Variants in ULK2 observed in about 807,000 individuals in gnomAD.
The protein encoded by ULK2 is serine/threonine-protein kinase ULK2.
A neutral mutation model predicts 127.5 loss-of-function variants in ULK2; 76 were observed. The ratio of observed to expected loss-of-function variants is 0.60; its 90% CI spans 0.50 to 0.72. ULK2 has a LOEUF of 0.72. Ranked by LOEUF, ULK2 falls within the 30% of genes least tolerant of loss-of-function variation. The pLI, the probability that ULK2 is intolerant of heterozygous loss-of-function variation, is 0.00. For synonymous variants in ULK2, 452 were observed against 461.9 expected (o/e 0.98, Z 0.28); for missense variants, 1,144 against 1,295.9 (o/e 0.88, Z 1.80).
intron 20 of ULK2, among the ~76,000 whole-genome samples, chr17:19,786,566 T>C (rs1173078388): frequency 6.6e-6 from 1 of 151,890 alleles, no homozygotes; most frequent in Non-Finnish European, 1.5e-5. Flanking sequence ...ATACAAAACT[T>C]TGCCGGGCAT....
chr17:19,782,338 A>G (rs995386197), intron 22 of ULK2, among the ~76,000 whole-genome samples: 8 of 152,346 alleles, frequency 5.3e-5, no homozygotes, highest in Admixed American at 2.6e-4. Flanking sequence ...TACCAGAAAA[A>G]GAAAAGAAAG....
At position 19,867,551 on chromosome 17, in the gene ULK2, G is replaced by A; in HGVS notation, c.-134C>T. 2.2e-6 allele frequency: 1 copy of A among 454,304 alleles called. No homozygotes were observed. The highest frequency in any genetic ancestry group is 3.4e-6 in the Non-Finnish European group (1 of 292,798). 28.1% of individuals were successfully genotyped at this position (454,304 alleles called of 1,614,324 possible). A position where few individuals can be genotyped will look rare whatever the true frequency, so the allele number is the denominator to read the frequency against. The stretch of plus-strand genomic sequence containing the variant: ...GGCAGCCGCAGCCCCGGGCCCGGGC[G>A]GACTCTCATGCCGAGAGACCGGAGC... On this transcript the variant is annotated 5_prime_UTR_variant, in exon 1 of 27. Coordinates refer to ENST00000395544, the MANE Select transcript of ULK2 (RefSeq NM_014683.4).
intron 26 of ULK2, among the ~76,000 whole-genome samples, chr17:19,777,375 G>T (rs2086831087): frequency 6.6e-6 from 1 of 152,194 alleles, no homozygotes; most frequent in Non-Finnish European, 1.5e-5. Context: ...AAAGTGCTGG[G>T]ATTACAGGCG....
chr17:19,861,980 A>G (rs1174811524), intron 3 of ULK2, among the ~76,000 whole-genome samples: 1 of 152,220 alleles, frequency 6.6e-6, no homozygotes, highest in Non-Finnish European at 1.5e-5. Context: ...TGTGCATGCT[A>G]TTTGACTTGG....
chr17:19,837,431 AAAAT>A (rs1021153568), intron 10 of ULK2, among the ~76,000 whole-genome samples: 2 of 152,104 alleles, frequency 1.3e-5, no homozygotes, highest in Admixed American at 6.6e-5. Flanking sequence ...AAAAAATATA[AAAAT>A]AAATAAATAA....
intron 20 of ULK2, among the ~76,000 whole-genome samples, chr17:19,790,299 C>T (rs2152383850): frequency 6.6e-6 from 1 of 152,248 alleles, no homozygotes; most frequent in Non-Finnish European, 1.5e-5. Context: ...CGCCTGTAAT[C>T]CCAGCTACTT....
chr17:19,848,800 A>G (rs1031077864), intron 5 of ULK2, among the ~76,000 whole-genome samples: 25 of 151,954 alleles, frequency 1.6e-4, no homozygotes, highest in Non-Finnish European at 1.5e-5. Context: ...GGAAAAAGAA[A>G]ATACTCTGGA....
At chr17:19,834,103 A>G (rs548021714) in intron 10 of ULK2, among the ~76,000 whole-genome samples, 1 of 152,318 alleles carries the variant, frequency 6.6e-6, no homozygotes, top group South Asian at 2.1e-4. Context: ...AAACCTAGTA[A>G]GATTAACAGG....
intron 3 of ULK2, chr17:19,855,742 G>C (rs2042113593): frequency 6.6e-6 from 1 of 152,088 alleles, no homozygotes; most frequent in African/African-American, 2.4e-5. Context: ...TACAGTCCAA[G>C]TGCCCAAGTC....
At chr17:19,838,635 A>C in intron 9 of ULK2, 52 bp from the exon 10 acceptor site, 1 of 1,505,988 alleles carries the variant, frequency 6.6e-7, no homozygotes, top group South Asian at 1.2e-5. Context: ...ATATACATAA[A>C]CATTAACTTT....
At chr17:19,864,351 T>C (rs2042308920) in intron 3 of ULK2, among the ~76,000 whole-genome samples, 1 of 151,884 alleles carries the variant, frequency 6.6e-6, no homozygotes, top group Non-Finnish European at 1.5e-5. Context: ...GGTGCACACC[T>C]ATAGTCCTAG....
intron 20 of ULK2, among the ~76,000 whole-genome samples, chr17:19,794,929 A>G (rs919824043): frequency 2.6e-5 from 4 of 152,062 alleles, no homozygotes; most frequent in African/African-American, 9.7e-5. Context: ...ATACAAAAAA[A>G]TTAGCCAGGC....
intron 20 of ULK2, among the ~76,000 whole-genome samples, chr17:19,788,069 G>C (rs1360363182): frequency 2.0e-5 from 3 of 152,184 alleles, no homozygotes; most frequent in Non-Finnish European, 4.4e-5. Flanking sequence ...TGGCCAGAAT[G>C]TGAGTTTCTG....
Position 19,823,126 on chromosome 17 carries a change from A to ATTTTTTTTT in ULK2, c.924+1959_924+1967dup, listed in dbSNP as rs3884213. Reference sequence around the variant, plus strand: ...CAGTCATGCCCAGGCACGCCTGGCTATTTTTTTTTTTTTTTTTTTAGTAGA... The same window carrying ATTTTTTTTT: ...CAGTCATGCCCAGGCACGCCTGGCTATTTTTTTTTTTTTTTTTTTTTTTTTTTTAGTAGA... On this transcript the variant is annotated intron_variant, in intron 12 of 26. Transcript: ENST00000395544. Among the ~76,000 whole-genome samples, 8 of 113,144 alleles carry ATTTTTTTTT rather than the reference A, an allele frequency of 7.1e-5. 2 individuals are homozygous for ATTTTTTTTT. Among genetic ancestry groups the ATTTTTTTTT allele is most frequent in the African/African-American group, 1.9e-4 (5 of 26,252 alleles). The allele number at this position is 113,144 out of a possible 152,430, so 74.2% of individuals were successfully genotyped here.
chr17:19,804,641 T>G, intron 15 of ULK2, 52 bp downstream of exon 15: 1 of 1,530,602 alleles, frequency 6.5e-7, no homozygotes, highest in Non-Finnish European at 8.8e-7. Context: ...TCAATAAATT[T>G]TTTTTAAAGG....
chr17:19,844,630 T>C lies in ULK2; in HGVS notation c.543+674A>G, dbSNP rs117910590. 4.8e-3 allele frequency among the ~76,000 whole-genome samples: 725 copies of C among 152,146 alleles called. 23 individuals carry two copies. In the East Asian group the frequency reaches 0.088, roughly 18 times the overall value. On this transcript the variant is annotated intron_variant, in intron 7 of 26. Transcript: ENST00000395544. ...AGACTATAAATCTAATAAAATTTTT[T>C]TGAAATTTGATTACCAGTTCAAAGT...
intron 13 of ULK2, among the ~76,000 whole-genome samples, chr17:19,812,391 T>C (rs1158714897): frequency 6.6e-6 from 1 of 152,182 alleles, no homozygotes. Flanking sequence ...TAAGATGGTG[T>C]CACTTCTGAA....
chr17:19,800,368 T>C (rs2087372416), intron 16 of ULK2, among the ~76,000 whole-genome samples: 1 of 152,142 alleles, frequency 6.6e-6, no homozygotes, highest in Non-Finnish European at 1.5e-5. Flanking sequence ...AACATGTCTA[T>C]ATCAAGAGGG....
intron 13 of ULK2, among the ~76,000 whole-genome samples, chr17:19,815,393 C>T (rs1224031663): frequency 1.3e-5 from 2 of 152,096 alleles, no homozygotes; most frequent in South Asian, 2.1e-4. Context: ...AACGATTCTC[C>T]AGCCTCAGCC....
Sources: gnomAD v4.1 joint callset for allele counts (sites outside exome capture counted in the v4.1 genomes callset) on GRCh38, gnomAD v4.1.1 for gene constraint, MANE v1.5 for transcripts, NCBI Gene and HGNC (gene_info 2026-07-23, HGNC 2026-07-21) for gene names.